The following CNTNAP2 variants were observed in gnomAD, a reference collection of about 807,000 sequenced individuals.
The protein encoded by CNTNAP2 is contactin-associated protein-like 2.
Under a neutral mutation model 155.2 loss-of-function variants are expected in CNTNAP2, and 98 were observed. The observed-to-expected ratio is 0.63, with a 90% CI of 0.54 to 0.75. CNTNAP2 has a LOEUF of 0.75. CNTNAP2 is among the 30% of genes least tolerant of loss of function. The pLI, the probability that CNTNAP2 is intolerant of heterozygous loss-of-function variation, is 0.00. For missense variants in CNTNAP2, 1,727 were observed against 1,688.1 expected (o/e 1.02, Z -0.40); for synonymous variants, 651 against 631.2 (o/e 1.03, Z -0.47).
chr7:148,132,137 G>T (rs1045409093), intron 16 of CNTNAP2, among the ~76,000 whole-genome samples: 2 of 152,060 alleles, frequency 1.3e-5, no homozygotes, highest in Non-Finnish European at 2.9e-5. Context: ...ATGTTTTAAA[G>T]CAACAAGAAA....
intron 13 of CNTNAP2, among the ~76,000 whole-genome samples, chr7:147,761,428 G>A (rs532982037): frequency 2.5e-4 from 38 of 152,244 alleles, no homozygotes; most frequent in African/African-American, 7.2e-4. Flanking sequence ...AATAGAGTAA[G>A]GCTTTAGAGG....
chr7:146,902,386 C>T (rs12703849), intron 3 of CNTNAP2, among the ~76,000 whole-genome samples: 55,418 of 151,980 alleles, frequency 0.36, 10,636 homozygotes, highest in Middle Eastern at 0.43. Flanking sequence ...ATTACAGTAA[C>T]GTACATTTCT....
chr7:147,292,800 G>T (rs1236485765), intron 8 of CNTNAP2, among the ~76,000 whole-genome samples: 1 of 152,058 alleles, frequency 6.6e-6, no homozygotes, highest in Non-Finnish European at 1.5e-5. Context: ...ACAGGGTTTT[G>T]CTCTTATTGA....
At chr7:147,376,239 C>A (rs764060693) in intron 9 of CNTNAP2, among the ~76,000 whole-genome samples, 1 of 151,872 alleles carries the variant, frequency 6.6e-6, no homozygotes, top group African/African-American at 2.4e-5. Flanking sequence ...AGAGGGCAGT[C>A]CCAGTGTTCA....
At chr7:146,460,742 T>A (rs556966587) in intron 1 of CNTNAP2, among the ~76,000 whole-genome samples, 1 of 152,266 alleles carries the variant, frequency 6.6e-6, no homozygotes, top group Non-Finnish European at 1.5e-5. Flanking sequence ...AAACACTGCA[T>A]CTCACTTACA....
chr7:147,482,631 GA>G (rs1272324545), intron 10 of CNTNAP2, among the ~76,000 whole-genome samples: 1 of 152,066 alleles, frequency 6.6e-6, no homozygotes, highest in Non-Finnish European at 1.5e-5. Context: ...TGAGGCAGGA[GA>G]ATGGCGTGAA....
intron 11 of CNTNAP2, among the ~76,000 whole-genome samples, chr7:147,543,584 A>G (rs1484995740): frequency 1.3e-5 from 2 of 152,294 alleles, no homozygotes; most frequent in East Asian, 1.9e-4. Flanking sequence ...GAACAACTCT[A>G]TAATAAGGAC....
At chr7:147,572,457 T>C (rs1226252018) in intron 12 of CNTNAP2, among the ~76,000 whole-genome samples, 1 of 152,176 alleles carries the variant, frequency 6.6e-6, no homozygotes, top group Non-Finnish European at 1.5e-5. Context: ...TCCAAAATCG[T>C]ACTCTCTATG....
Position 146,322,634 on chromosome 7 carries a change from C to CTTTT in CNTNAP2, c.97+205676_97+205679dup, listed in dbSNP as rs56287346. Reference sequence around the variant, plus strand: ...AAGAGGAGACTGTTGTGTTCATTCTCTTTTTTTTTTTTTTTTTTGCTGGCT... The same window carrying CTTTT: ...AAGAGGAGACTGTTGTGTTCATTCTCTTTTTTTTTTTTTTTTTTTTTTGCTGGCT... On this transcript the variant is annotated intron_variant, in intron 1 of 23. Coordinates refer to ENST00000361727, the MANE Select transcript of CNTNAP2 (RefSeq NM_014141.6). 7.7e-3 allele frequency among the ~76,000 whole-genome samples: 497 copies of CTTTT among 64,950 alleles called. 58 individuals carry two copies. The highest frequency in any genetic ancestry group is 0.025 in the African/African-American group (447 of 18,014). 42.6% of individuals were successfully genotyped at this position (64,950 alleles called of 152,430 possible). A position where few individuals can be genotyped will look rare whatever the true frequency, so the allele number is the denominator to read the frequency against.
rs35384532 is a variant in CNTNAP2 at position 146,645,770 on chromosome 7, A to AGTGT, written c.98-128488_98-128485dup. Among the ~76,000 whole-genome samples the AGTGT allele has an allele frequency of 1.8e-4, 27 of 150,730 alleles. No individual in the cohort carries two copies. In the East Asian group the frequency reaches 3.0e-3, roughly 17 times the overall value. ...GAGTCAGGTCTCAACTAAGCTACCC[A>AGTGT]GTGTGTGTGTGTGTGTATGTGTGTG... On this transcript the variant is annotated intron_variant, in intron 1 of 23. Transcript: ENST00000361727.
At chr7:147,018,273 G>A (rs1798760155) in intron 3 of CNTNAP2, among the ~76,000 whole-genome samples, 2 of 152,022 alleles carry the variant, frequency 1.3e-5, no homozygotes, top group Non-Finnish European at 2.9e-5. Flanking sequence ...AGAGCTGCAA[G>A]ACAAGCCCAA....
intron 1 of CNTNAP2, among the ~76,000 whole-genome samples, chr7:146,404,966 A>G (rs544589444): frequency 6.6e-6 from 1 of 152,204 alleles, no homozygotes; most frequent in East Asian, 1.9e-4. Context: ...ATATTTATCA[A>G]TGATTAGGTG....
chr7:147,852,940 A>G (rs1324433514), intron 13 of CNTNAP2, among the ~76,000 whole-genome samples: 14 of 152,138 alleles, frequency 9.2e-5, no homozygotes, highest in Admixed American at 9.2e-4. Flanking sequence ...CCTTTAATCC[A>G]GTGCTCAAGT....
At chr7:148,339,779 C>T (rs942134003) in intron 21 of CNTNAP2, 6 of 152,252 alleles carry the variant, frequency 3.9e-5, no homozygotes, top group African/African-American at 1.4e-4. Context: ...TGGATTTTAA[C>T]ACCTCTGCAA....
intron 9 of CNTNAP2, among the ~76,000 whole-genome samples, chr7:147,363,374 G>A (rs1390056253): frequency 1.3e-5 from 2 of 152,092 alleles, no homozygotes; most frequent in Admixed American, 1.3e-4. Flanking sequence ...TAACTCTATG[G>A]TATTTCTTCA....
chr7:148,183,533 G>T (rs1290583491), intron 18 of CNTNAP2, among the ~76,000 whole-genome samples: 1 of 139,786 alleles, frequency 7.2e-6, no homozygotes, highest in African/African-American at 2.8e-5. Flanking sequence ...CCTAGCTGGA[G>T]CGCAGTGGTG....
intron 21 of CNTNAP2, among the ~76,000 whole-genome samples, chr7:148,290,568 T>C (rs549693233): frequency 2.6e-5 from 4 of 152,234 alleles, no homozygotes; most frequent in Non-Finnish European, 5.9e-5. Flanking sequence ...TCAGAATGAA[T>C]AGTGATCAGG....
chr7:146,401,472 G>A (rs748288443), intron 1 of CNTNAP2, among the ~76,000 whole-genome samples: 1 of 152,118 alleles, frequency 6.6e-6, no homozygotes, highest in South Asian at 2.1e-4. Flanking sequence ...TTTTTCCCCG[G>A]CATAATATTT....
In CNTNAP2 at chr7:147,839,294, A is replaced by G. The variant is rs543582924; in HGVS notation, c.2099-64271A>G. On this transcript the variant is annotated intron_variant, in intron 13 of 23. Coordinates refer to ENST00000361727, the MANE Select transcript of CNTNAP2 (RefSeq NM_014141.6). ...GACATACCCAGGAACAACACTTTGCATCCTTCAATCCAATCAAGTTGACAC... is the reference window on the plus strand; with the variant it reads ...GACATACCCAGGAACAACACTTTGCGTCCTTCAATCCAATCAAGTTGACAC... 6.6e-4 allele frequency among the ~76,000 whole-genome samples: 101 copies of G among 152,294 alleles called. 1 individual carries two copies. Among genetic ancestry groups the G allele is most frequent in the Non-Finnish European group, 3.4e-4 (23 of 68,036 alleles).
Sources: gnomAD v4.1 joint callset for allele counts (sites outside exome capture counted in the v4.1 genomes callset) on GRCh38, gnomAD v4.1.1 for gene constraint, MANE v1.5 for transcripts, NCBI Gene and HGNC (gene_info 2026-07-23, HGNC 2026-07-21) for gene names.